LAPTM5: variants seen among roughly 807,000 people sequenced by gnomAD.
The protein encoded by LAPTM5 is lysosomal protein transmembrane 5.
In LAPTM5, 11 loss-of-function variants were observed where a neutral mutation model predicts 30.1. The ratio of observed to expected loss-of-function variants is 0.37; its 90% CI spans 0.23 to 0.60. LAPTM5 has a LOEUF of 0.60. LAPTM5 is among the 20% of genes least tolerant of loss of function. The pLI is 0.71. For synonymous variants in LAPTM5, 151 were observed against 137.9 expected, an observed-to-expected ratio of 1.10 and a Z score of -0.67; for missense variants, 324 against 332.5, an observed-to-expected ratio of 0.97 and a Z score of 0.20.
chr1:30,736,837 TGGCTTCA>T (rs1023448420), intron 6 of LAPTM5, among the ~76,000 whole-genome samples: 1 of 152,214 alleles, frequency 6.6e-6, no homozygotes, highest in African/African-American at 2.4e-5. Context: ...AGCATCCCTG[TGGCTTCA>T]GGCCACAGGC....
rs1407396978 is a variant in LAPTM5, at chr1:30,739,955, C to T, written c.259-18G>A. ...TCCCGGTTCTGAAAGGTAGGCCCAGCACCGTCAAGTGTCCCCTGCATGCAG... is the reference window on the plus strand; with the variant it reads ...TCCCGGTTCTGAAAGGTAGGCCCAGTACCGTCAAGTGTCCCCTGCATGCAG... On this transcript the variant is annotated intron_variant, in intron 3 of 7. Transcript: ENST00000294507. This position sits in a 1 kb window ranked among gnomAD's most constrained non-coding sequence, Gnocchi z 4.2. The T allele has an allele frequency of 1.9e-6, 3 of 1,559,178 alleles. No individual in the cohort carries two copies. The highest frequency in any genetic ancestry group is 2.7e-5 in the African/African-American group (2 of 73,248).
At chr1:30,749,478 T>C (rs1164361061) in intron 1 of LAPTM5, among the ~76,000 whole-genome samples, 1 of 152,116 alleles carries the variant, frequency 6.6e-6, no homozygotes, top group African/African-American at 2.4e-5. Flanking sequence ...TATAGGTAAA[T>C]TATACATCAA....
chr1:30,748,462 C>T (rs1640080860), intron 1 of LAPTM5, among the ~76,000 whole-genome samples: 1 of 152,130 alleles, frequency 6.6e-6, no homozygotes, highest in Non-Finnish European at 1.5e-5. Context: ...AAGCTCAGTC[C>T]CCTCAACCTC....
intron 2 of LAPTM5, chr1:30,741,941 C>A: frequency 2.4e-6 from 1 of 417,306 alleles, no homozygotes; most frequent in Non-Finnish European, 4.4e-6. Flanking sequence ...GCTGGAGGTG[C>A]AGGCTGGGGT....
intron 6 of LAPTM5, among the ~76,000 whole-genome samples, chr1:30,736,211 A>G (rs1248211700): frequency 6.6e-6 from 1 of 152,040 alleles, no homozygotes; most frequent in East Asian, 1.9e-4. Flanking sequence ...GTCCTTGGAG[A>G]AGATGCTAAA....
chr1:30,734,384 G>A (rs1639857754), intron 7 of LAPTM5, among the ~76,000 whole-genome samples: 1 of 152,188 alleles, frequency 6.6e-6, no homozygotes, highest in Admixed American at 6.5e-5. Context: ...TGGGATATCT[G>A]CCTAGGGGTT....
chr1:30,739,114 C>T lies in LAPTM5; in HGVS notation c.388-52G>A. The T allele has an allele frequency of 6.5e-7, 1 of 1,548,904 alleles. No individual in the cohort carries two copies. Among genetic ancestry groups the T allele is most frequent in the Non-Finnish European group, 8.7e-7 (1 of 1,144,980 alleles). On this transcript the variant is annotated intron_variant, in intron 4 of 7. Transcript: ENST00000294507. The surrounding 1 kb of genome is among the most constrained non-coding windows in gnomAD (Gnocchi z 4.2). ...GAATGAGGAGCAGCAATTAAAGTCC[C>T]AGTTACTGAGCGGCACATAGTAGGC...
intron 1 of LAPTM5, among the ~76,000 whole-genome samples, chr1:30,743,802 T>TTTTG (rs1553127170): frequency 4.8e-4 from 71 of 146,748 alleles, no homozygotes; most frequent in Admixed American, 1.1e-3. Context: ...TGGGTTTTTT[T>TTTTG]TTTTTTTTTT....
chr1:30,736,001 G>A (rs1639879081), intron 6 of LAPTM5, among the ~76,000 whole-genome samples: 1 of 152,108 alleles, frequency 6.6e-6, no homozygotes, highest in Admixed American at 6.5e-5. Flanking sequence ...GGCCAGAGAG[G>A]CAGAATGAGG....
At chr1:30,745,257 G>A (rs1201704103) in intron 1 of LAPTM5, among the ~76,000 whole-genome samples, 1 of 152,126 alleles carries the variant, frequency 6.6e-6, no homozygotes, top group Non-Finnish European at 1.5e-5. Flanking sequence ...AGAGGTCCAG[G>A]GCCTTGCCCA....
At chr1:30,734,769 A>G (rs1639862255) in intron 7 of LAPTM5, among the ~76,000 whole-genome samples, 1 of 152,224 alleles carries the variant, frequency 6.6e-6, no homozygotes, top group Admixed American at 6.5e-5. Context: ...TTGACCCTCC[A>G]AGACCAGTTA....
chr1:30,733,135 T>C lies in LAPTM5; in HGVS notation c.*693A>G, dbSNP rs1174541477. 1 of 154,894 alleles carries C rather than the reference T, an allele frequency of 6.5e-6. No individual in the cohort carries two copies. The highest frequency in any genetic ancestry group is 2.4e-5 in the African/African-American group (1 of 41,474). The allele number at this position is 154,894 out of a possible 1,614,324, so 9.6% of individuals were successfully genotyped here. On this transcript the variant is annotated 3_prime_UTR_variant, in exon 8 of 8. Transcript: ENST00000294507. ...AAATGAATTTCATTTGAATTAACAA[T>C]TATACAGCCACTCAGAGGTCCTACA...
chr1:30,733,801 A>G lies in LAPTM5; in HGVS notation c.*27T>C. ...ATTATGAGGCAGCTCCACCCCTCCC[A>G]GCACTGGGGCTGGGGCCTGGCGAGG... On this transcript the variant is annotated 3_prime_UTR_variant, in exon 8 of 8. Coordinates refer to ENST00000294507, the MANE Select transcript of LAPTM5 (RefSeq NM_006762.3). The G allele has an allele frequency of 1.3e-6, 2 of 1,597,864 alleles. No individual in the cohort carries two copies. Among genetic ancestry groups the G allele is most frequent in the East Asian group, 2.2e-5 (1 of 44,722 alleles).
At chr1:30,742,902 A>G (rs997700221) in intron 1 of LAPTM5, among the ~76,000 whole-genome samples, 1 of 152,164 alleles carries the variant, frequency 6.6e-6, no homozygotes, top group Admixed American at 6.5e-5. Flanking sequence ...CCCAGTTCTC[A>G]GGAAGAGTGG....
intron 6 of LAPTM5, among the ~76,000 whole-genome samples, chr1:30,735,969 G>A (rs1639878701): frequency 6.6e-6 from 1 of 152,134 alleles, no homozygotes; most frequent in Admixed American, 6.6e-5. Context: ...GAAGGCCCAG[G>A]GAAAATCAAG....
At chr1:30,744,753 C>T (rs989770382) in intron 1 of LAPTM5, among the ~76,000 whole-genome samples, 1 of 152,142 alleles carries the variant, frequency 6.6e-6, no homozygotes, top group Non-Finnish European at 1.5e-5. Context: ...TCCCATTCCC[C>T]TGACCCCCAA....
chr1:30,742,578 TGA>T (rs1386473003), intron 1 of LAPTM5, 29 bp from the exon 2 acceptor site: 7 of 1,585,864 alleles, frequency 4.4e-6, no homozygotes, highest in Admixed American at 1.7e-5. Context: ...ATCAGTCAGC[TGA>T]GCCTGCATCA....
intron 7 of LAPTM5, among the ~76,000 whole-genome samples, chr1:30,734,719 C>T (rs187766085): frequency 2.7e-4 from 41 of 152,330 alleles, no homozygotes; most frequent in African/African-American, 9.6e-4. Flanking sequence ...CCTCTCTTCC[C>T]GGAAAGCCTC....
rs188066738 is a variant in LAPTM5 at position 30,757,693 on chromosome 1, C to T, written c.53G>A (p.Arg18His). The change falls in exon 1 of 8, where the codon CGC becomes CAC. Residue 18 changes from arginine to histidine, a missense_variant. Physicochemically the swap from Arg to His is conservative, Grantham distance 29. Coordinates refer to ENST00000294507, the MANE Select transcript of LAPTM5 (RefSeq NM_006762.3). ...GATGGCCAGGGCGGTGGTTGCGATG[C>T]GGACATTGAAGCAGCAGCAGGTCTG... ...VRQTCCCFNVRIATTALAIYH... is the reference protein window; with the variant it reads ...VRQTCCCFNVHIATTALAIYH... 566 of 1,613,760 alleles carry T rather than the reference C, an allele frequency of 3.5e-4. 7 individuals carry two copies. The South Asian group carries it at 4.2e-3, about 12-fold the overall frequency.
Sources: gnomAD v4.1 joint callset for allele counts (sites outside exome capture counted in the v4.1 genomes callset) on GRCh38, gnomAD v4.1.1 for gene constraint, Gnocchi (gnomAD v3.1) non-coding constraint, MANE v1.5 for transcripts, NCBI Gene and HGNC (gene_info 2026-07-23, HGNC 2026-07-21) for gene names.